KCND2: variants seen among roughly 807,000 people sequenced by gnomAD.
The protein encoded by KCND2 is A-type voltage-gated potassium channel KCND2.
KCND2 carries 16 observed loss-of-function variants against 54.4 expected under a neutral mutation model. That is an observed-to-expected ratio of 0.29 (90% CI 0.20 to 0.45). The LOEUF (loss-of-function observed/expected upper bound fraction) is 0.45. Ranked by LOEUF, KCND2 falls within the 20% of genes least tolerant of loss-of-function variation. The pLI is 1.00. For missense variants in KCND2, 486 were observed against 824.2 expected (o/e 0.59, Z 5.02); for synonymous variants, 317 against 310.7 (o/e 1.02, Z -0.21).
chr7:120,570,136 A>C (rs1178102007), intron 1 of KCND2, among the ~76,000 whole-genome samples: 1 of 152,180 alleles, frequency 6.6e-6, no homozygotes, highest in African/African-American at 2.4e-5. Flanking sequence ...GAATATCTGC[A>C]CAATAGAAAG....
chr7:120,719,825 A>C (rs1339979005), intron 1 of KCND2, among the ~76,000 whole-genome samples: 1 of 152,106 alleles, frequency 6.6e-6, no homozygotes, highest in Non-Finnish European at 1.5e-5. Context: ...GCTTTAATTT[A>C]TTACTGATGG....
chr7:120,369,873 T>C (rs1431560362), intron 1 of KCND2, among the ~76,000 whole-genome samples: 1 of 152,062 alleles, frequency 6.6e-6, no homozygotes, highest in African/African-American at 2.4e-5. Flanking sequence ...GCTTGCATTT[T>C]TGTGGCAGAT....
At chr7:120,704,431 T>C (rs962611535) in intron 1 of KCND2, among the ~76,000 whole-genome samples, 5 of 152,186 alleles carry the variant, frequency 3.3e-5, no homozygotes, top group African/African-American at 1.2e-4. Context: ...CTTAAAGCTC[T>C]GGTCATCTGA....
chr7:120,703,805 A>C (rs1792432939), intron 1 of KCND2, among the ~76,000 whole-genome samples: 1 of 152,216 alleles, frequency 6.6e-6, no homozygotes, highest in African/African-American at 2.4e-5. Flanking sequence ...GTAACCAACA[A>C]GGGCTGTGAC....
rs146443852 is a variant in KCND2 at position 120,677,676 on chromosome 7, A to G, written c.1116-55227A>G. On this transcript the variant is annotated intron_variant, in intron 1 of 5. Coordinates refer to ENST00000331113, the MANE Select transcript of KCND2 (RefSeq NM_012281.3). Reference sequence around the variant, plus strand: ...AACATAGGATCCCCTCCTTCTGAAGACATCAAGAGTATAAATCAGATGAAA... The same window carrying G: ...AACATAGGATCCCCTCCTTCTGAAGGCATCAAGAGTATAAATCAGATGAAA... Among the ~76,000 whole-genome samples, 87 of 152,002 alleles carry G rather than the reference A, an allele frequency of 5.7e-4. 3 individuals are homozygous for G. The East Asian group carries it at 0.014, about 24-fold the overall frequency.
chr7:120,434,529 C>T (rs917559120), intron 1 of KCND2, among the ~76,000 whole-genome samples: 1 of 152,210 alleles, frequency 6.6e-6, no homozygotes, highest in Non-Finnish European at 1.5e-5. Context: ...CCAACTTCTT[C>T]TTTGTTGATA....
intron 1 of KCND2, among the ~76,000 whole-genome samples, chr7:120,504,413 T>A (rs1377054426): frequency 6.6e-6 from 1 of 151,942 alleles, no homozygotes; most frequent in African/African-American, 2.4e-5. Flanking sequence ...CTCAAGTATG[T>A]GGATCTATTT....
At chr7:120,625,962 T>A (rs1014843881) in intron 1 of KCND2, among the ~76,000 whole-genome samples, 9 of 152,128 alleles carry the variant, frequency 5.9e-5, no homozygotes, top group Non-Finnish European at 1.0e-4. Flanking sequence ...TAATTTTAAA[T>A]ATGTAAGCAA....
At chr7:120,282,640 T>C (rs1799283818) in intron 1 of KCND2, among the ~76,000 whole-genome samples, 2 of 152,142 alleles carry the variant, frequency 1.3e-5, no homozygotes, top group Non-Finnish European at 2.9e-5. Flanking sequence ...GTTGAGATAA[T>C]GTCAAATAGA....
At chr7:120,653,224 T>G (rs145032075) in intron 1 of KCND2, among the ~76,000 whole-genome samples, 2 of 151,312 alleles carry the variant, frequency 1.3e-5, no homozygotes, top group African/African-American at 4.9e-5. Flanking sequence ...TTTTGTATTT[T>G]TGGTAGAGAT....
chr7:120,407,439 G>A (rs1481909625), intron 1 of KCND2, among the ~76,000 whole-genome samples: 1 of 152,022 alleles, frequency 6.6e-6, no homozygotes, highest in Non-Finnish European at 1.5e-5. Flanking sequence ...ACTCCAAAGG[G>A]AGAGGCAGGC....
intron 1 of KCND2, among the ~76,000 whole-genome samples, chr7:120,365,756 G>C (rs948323849): frequency 6.6e-6 from 1 of 152,098 alleles, no homozygotes; most frequent in African/African-American, 2.4e-5. Context: ...AGATAAATGA[G>C]ATTTTCGAGC....
rs1209540901 is a variant in KCND2 at position 120,323,988 on chromosome 7, A to G, written c.1115+48241A>G. ...GTTTCCTGACTTTTTAATGATTGCC[A>G]TTCTAACTGGTGTGAGATGGTATCT... On this transcript the variant is annotated intron_variant, in intron 1 of 5. Transcript: ENST00000331113. 2.9e-5 allele frequency among the ~76,000 whole-genome samples: 4 copies of G among 138,288 alleles called. No individual in the cohort carries two copies. The East Asian group carries it at 8.7e-4, about 30-fold the overall frequency. The allele number at this position is 138,288 out of a possible 152,430, so 90.7% of individuals were successfully genotyped here. A position where few individuals can be genotyped will look rare whatever the true frequency, so the allele number is the denominator to read the frequency against.
chr7:120,702,122 A>G (rs1185676574), intron 1 of KCND2, among the ~76,000 whole-genome samples: 2 of 152,158 alleles, frequency 1.3e-5, no homozygotes, highest in Admixed American at 6.5e-5. Flanking sequence ...AAAAAACATT[A>G]AAAAGTGGGC....
chr7:120,274,653 G>C lies in KCND2; in HGVS notation c.21G>C (p.Ala7=), dbSNP rs369141117. The C allele has an allele frequency of 3.8e-5, 62 of 1,613,780 alleles. No individual in the cohort carries two copies. The highest frequency in any genetic ancestry group is 6.7e-5 in the Admixed American group (4 of 59,996). The stretch of plus-strand genomic sequence containing the variant: ...TAATCATGGCGGCGGGGGTGGCAGC[G>C]TGGCTGCCTTTTGCAAGGGCAGCGG... MAAGVA[A]WLPFARAAAI... is the part of the protein sequence containing the mutation. Residue 7 remains alanine (A), a synonymous_variant, in exon 1 of 6, where the codon GCG becomes GCC. Coordinates refer to ENST00000331113, the MANE Select transcript of KCND2 (RefSeq NM_012281.3).
At position 120,535,394 on chromosome 7, in the gene KCND2, A is replaced by G. The variant is rs57980636; in HGVS notation, c.1116-197509A>G. ...TAGGTAGACTATCTTACAGACCCTTATTTAATAGGTGTTTCGTGGCAACAT... is the reference window on the plus strand; with the variant it reads ...TAGGTAGACTATCTTACAGACCCTTGTTTAATAGGTGTTTCGTGGCAACAT... On this transcript the variant is annotated intron_variant, in intron 1 of 5. Coordinates refer to ENST00000331113, the MANE Select transcript of KCND2 (RefSeq NM_012281.3). 3.9e-5 allele frequency among the ~76,000 whole-genome samples: 6 copies of G among 152,220 alleles called. No homozygotes were observed. In the East Asian group the frequency reaches 9.7e-4, roughly 25 times the overall value.
chr7:120,588,536 G>A (rs2116454492), intron 1 of KCND2, among the ~76,000 whole-genome samples: 1 of 151,926 alleles, frequency 6.6e-6, no homozygotes, highest in Non-Finnish European at 1.5e-5. Context: ...CTAATGGAAA[G>A]CTGCTTGTAG....
chr7:120,367,983 T>G (rs1335083054), intron 1 of KCND2, among the ~76,000 whole-genome samples: 1 of 152,256 alleles, frequency 6.6e-6, no homozygotes, highest in African/African-American at 2.4e-5. Context: ...AGTTGTTTTA[T>G]TTGATACTAA....
intron 1 of KCND2, among the ~76,000 whole-genome samples, chr7:120,674,313 A>G (rs1792031016): frequency 6.6e-6 from 1 of 152,148 alleles, no homozygotes; most frequent in East Asian, 1.9e-4. Flanking sequence ...CGCTGCTCCA[A>G]TAACAGCCAT....
Sources: gnomAD v4.1 joint callset for allele counts (sites outside exome capture counted in the v4.1 genomes callset) on GRCh38, gnomAD v4.1.1 for gene constraint, MANE v1.5 for transcripts, NCBI Gene and HGNC (gene_info 2026-07-23, HGNC 2026-07-21) for gene names.